KCND3: variants seen among roughly 807,000 people sequenced by gnomAD.
KCND3 encodes potassium voltage-gated channel subfamily D member 3.
Under a neutral mutation model 51.1 loss-of-function variants are expected in KCND3, and 9 were observed. The observed-to-expected ratio is 0.18, with a 90% CI of 0.11 to 0.31. KCND3 has a LOEUF of 0.31. Ranked by LOEUF, KCND3 falls within the 10% of genes least tolerant of loss-of-function variation. KCND3 has a pLI of 1.00. For missense variants in KCND3, 526 were observed against 903.8 expected (o/e 0.58, Z 5.36); for synonymous variants, 349 against 368.0 (o/e 0.95, Z 0.59).
intron 2 of KCND3, among the ~76,000 whole-genome samples, chr1:111,824,212 T>G (rs1454923829): frequency 6.7e-6 from 1 of 148,398 alleles, no homozygotes; most frequent in Non-Finnish European, 1.5e-5. Context: ...AGTGGAGAAA[T>G]ACTGACAGCT....
intron 2 of KCND3, among the ~76,000 whole-genome samples, chr1:111,929,226 C>T (rs12027659): frequency 0.1 from 15,284 of 152,228 alleles, 1,391 homozygotes; most frequent in East Asian, 0.47. Flanking sequence ...GTCACCACCT[C>T]GGTTCTCTGC....
chr1:111,919,997 G>A (rs540562584), intron 2 of KCND3, among the ~76,000 whole-genome samples: 7 of 152,270 alleles, frequency 4.6e-5, no homozygotes, highest in South Asian at 2.1e-4. Flanking sequence ...TCTCCCTCTC[G>A]TCTCTACTTC....
intron 2 of KCND3, among the ~76,000 whole-genome samples, chr1:111,848,969 C>T (rs931421068): frequency 1.3e-5 from 2 of 152,154 alleles, no homozygotes; most frequent in East Asian, 1.9e-4. Flanking sequence ...ATCCTTCCCC[C>T]AGTTCTCTCC....
intron 2 of KCND3, among the ~76,000 whole-genome samples, chr1:111,866,579 A>AACAC (rs771342858): frequency 0.13 from 17,035 of 126,614 alleles, 1,360 homozygotes; most frequent in South Asian, 0.19. Context: ...TGTTTCTTTA[A>AACAC]ACACACACAC....
chr1:111,966,597 C>T (rs1374196620), intron 2 of KCND3, among the ~76,000 whole-genome samples: 1 of 152,170 alleles, frequency 6.6e-6, no homozygotes, highest in Admixed American at 6.5e-5. Context: ...CTTCACTCTT[C>T]CAGGGCTGGG....
chr1:111,798,000 A>G (rs545610703), intron 2 of KCND3, among the ~76,000 whole-genome samples: 1 of 152,340 alleles, frequency 6.6e-6, no homozygotes, highest in Admixed American at 6.5e-5. Context: ...AGCCAAGGCA[A>G]TGACACTGGG....
Position 111,982,194 on chromosome 1 carries a change from G to C in KCND3, c.533C>G (p.Thr178Ser). The change falls in exon 2 of 8, where the codon ACC becomes AGC. Residue 178 changes from threonine (T) to serine (S), a missense_variant. This residue lies in a region of KCND3 where 159 missense variants were observed against 262.8 expected (regional missense o/e 0.61). Transcript: ENST00000302127. This position sits in a 1 kb window ranked among gnomAD's most constrained non-coding sequence, Gnocchi z 8.5. The part of the protein sequence containing the change: ...TMWRAFENPH[T>S]STLALVFYYV... ...GTAGAAGACCAGGGCCAGCGTGCTGGTGTGGGGGTTCTCGAAGGCCCGCCA... is the reference window on the plus strand; with the variant it reads ...GTAGAAGACCAGGGCCAGCGTGCTGCTGTGGGGGTTCTCGAAGGCCCGCCA... 6.2e-7 allele frequency: 1 copy of C among 1,614,108 alleles called. No individual in the cohort carries two copies. Among genetic ancestry groups the C allele is most frequent in the Non-Finnish European group, 8.5e-7 (1 of 1,180,020 alleles).
intron 2 of KCND3, among the ~76,000 whole-genome samples, chr1:111,861,734 G>T (rs1207500488): frequency 6.6e-6 from 1 of 152,148 alleles, no homozygotes; most frequent in Non-Finnish European, 1.5e-5. Flanking sequence ...GGGCCTGCAG[G>T]GCCAGGGCAG....
intron 2 of KCND3, among the ~76,000 whole-genome samples, chr1:111,799,466 A>G (rs114783415): frequency 6.6e-4 from 100 of 152,322 alleles, no homozygotes; most frequent in African/African-American, 2.3e-3. Context: ...TACTGAGTAT[A>G]ATGCCTTAAA....
At chr1:111,891,365 G>T (rs1163915155) in intron 2 of KCND3, among the ~76,000 whole-genome samples, 2 of 152,186 alleles carry the variant, frequency 1.3e-5, no homozygotes, top group Non-Finnish European at 2.9e-5. Flanking sequence ...AAAAAGGAAG[G>T]TATTTTAAGA....
chr1:111,921,932 C>T (rs1470937813), intron 2 of KCND3, among the ~76,000 whole-genome samples: 1 of 152,180 alleles, frequency 6.6e-6, no homozygotes, highest in Admixed American at 6.5e-5. Context: ...TAAATATTAG[C>T]TATCCCAGTG....
chr1:111,879,307 G>A (rs1669197672), intron 2 of KCND3, among the ~76,000 whole-genome samples: 1 of 152,164 alleles, frequency 6.6e-6, no homozygotes, highest in African/African-American at 2.4e-5. Context: ...GACCTGGCTT[G>A]GAGGTTGGTA....
intron 2 of KCND3, among the ~76,000 whole-genome samples, chr1:111,797,280 A>G (rs1665095684): frequency 6.6e-6 from 1 of 152,188 alleles, no homozygotes; most frequent in East Asian, 1.9e-4. Context: ...GGTCATAGCA[A>G]CCAGCTTCAG....
chr1:111,963,043 C>T (rs1168493338), intron 2 of KCND3, among the ~76,000 whole-genome samples: 1 of 152,162 alleles, frequency 6.6e-6, no homozygotes, highest in African/African-American at 2.4e-5. Context: ...CCCAGGAGAT[C>T]TTGAGCAGGC....
rs117893163 is a variant in KCND3, at chr1:111,970,981, G to A, written c.1106+10640C>T. On this transcript the variant is annotated intron_variant, in intron 2 of 7. Transcript: ENST00000302127. ...ACAGGATGCTCCCAGTGATACCAGC[G>A]GGTGCATCTGACATTTTTCTCCAAG... Among the ~76,000 whole-genome samples, 16 of 152,236 alleles carry A rather than the reference G, an allele frequency of 1.1e-4. No individual in the cohort carries two copies. The East Asian group carries it at 2.1e-3, about 20-fold the overall frequency.
intron 2 of KCND3, among the ~76,000 whole-genome samples, chr1:111,879,708 T>C (rs1669213951): frequency 6.6e-6 from 1 of 152,206 alleles, no homozygotes; most frequent in Non-Finnish European, 1.5e-5. Flanking sequence ...TCCTCAAGGT[T>C]TCCAAGGAGG....
At chr1:111,833,566 G>C (rs1380177177) in intron 2 of KCND3, among the ~76,000 whole-genome samples, 1 of 152,238 alleles carries the variant, frequency 6.6e-6, no homozygotes, top group Non-Finnish European at 1.5e-5. Context: ...CAGCAAGCCA[G>C]CCAGAATTTG....
At chr1:111,929,136 A>G (rs193285552) in intron 2 of KCND3, among the ~76,000 whole-genome samples, 13 of 152,314 alleles carry the variant, frequency 8.5e-5, no homozygotes, top group Admixed American at 8.5e-4. Flanking sequence ...AACCCTAAGG[A>G]GAAATCAGGT....
At chr1:111,841,808 A>G (rs1667332400) in intron 2 of KCND3, among the ~76,000 whole-genome samples, 2 of 152,198 alleles carry the variant, frequency 1.3e-5, no homozygotes, top group Admixed American at 1.3e-4. Flanking sequence ...CTCTGCTTAC[A>G]TTCACTTTAA....
Sources: allele counts gnomAD v4.1 joint callset (sites outside exome capture counted in the v4.1 genomes callset), GRCh38; gene constraint gnomAD v4.1.1; regional missense constraint gnomAD v4.1.1; non-coding constraint Gnocchi (gnomAD v3.1); transcripts MANE v1.5; gene names NCBI Gene and HGNC (gene_info 2026-07-23, HGNC 2026-07-21).